The following RNF216 variants were observed in gnomAD, a reference collection of about 807,000 sequenced individuals.
RNF216 encodes the protein E3 ubiquitin-protein ligase RNF216.
Under a neutral mutation model 110.8 loss-of-function variants are expected in RNF216, and 72 were observed. That is an observed-to-expected ratio of 0.65 (90% CI 0.54 to 0.79). RNF216 has a LOEUF of 0.79. RNF216 is among the 30% of genes least tolerant of loss of function. The pLI, the probability that RNF216 is intolerant of heterozygous loss-of-function variation, is 0.00. For missense variants in RNF216, 1,342 were observed against 1,141.2 expected (o/e 1.18, Z -2.54); for synonymous variants, 495 against 407.5 (o/e 1.21, Z -2.59).
chr7:5,658,073 G>C (rs1421635111), intron 13 of RNF216, among the ~76,000 whole-genome samples: 1 of 152,218 alleles, frequency 6.6e-6, no homozygotes, highest in Non-Finnish European at 1.5e-5. Context: ...GAGCATGCAT[G>C]TGCATGCAGA....
intron 15 of RNF216, among the ~76,000 whole-genome samples, chr7:5,627,467 T>A (rs1159382743): frequency 6.6e-6 from 1 of 152,128 alleles, no homozygotes; most frequent in Non-Finnish European, 1.5e-5. Flanking sequence ...CATTAAAGAC[T>A]AGACACTCGG....
chr7:5,622,626 G>A lies in RNF216; in HGVS notation c.*234C>T, dbSNP rs1392029288. 13 of 524,116 alleles carry A rather than the reference G, an allele frequency of 2.5e-5. No individual in the cohort carries two copies. Among genetic ancestry groups the A allele is most frequent in the Non-Finnish European group, 4.1e-5 (12 of 295,278 alleles). The allele number at this position is 524,116 out of a possible 1,614,324, so 32.5% of individuals were successfully genotyped here. ...GTGGCCTGGGGGATGCGAGGGGAGG[G>A]GCAGTTCACATCGCAGCTCTCTCCG... On this transcript the variant is annotated 3_prime_UTR_variant, in exon 17 of 17. Coordinates refer to ENST00000389902, the MANE Select transcript of RNF216 (RefSeq NM_207111.4).
At chr7:5,675,172 AG>A (rs1790199383) in intron 13 of RNF216, among the ~76,000 whole-genome samples, 1 of 152,220 alleles carries the variant, frequency 6.6e-6, no homozygotes, top group Admixed American at 6.5e-5. Context: ...CGCTCAAATA[AG>A]GTACCAACTA....
chr7:5,743,477 A>C (rs1427586152), intron 3 of RNF216, among the ~76,000 whole-genome samples: 5 of 152,068 alleles, frequency 3.3e-5, no homozygotes, highest in African/African-American at 1.2e-4. Context: ...TCTACAACTG[A>C]CCCCTACCAA....
At chr7:5,646,993 A>C (rs1303741600) in intron 14 of RNF216, among the ~76,000 whole-genome samples, 4 of 152,170 alleles carry the variant, frequency 2.6e-5, no homozygotes, top group Non-Finnish European at 4.4e-5. Context: ...GTAGTCTTCT[A>C]GATCTGTCTT....
chr7:5,631,415 C>T (rs1381602493), intron 15 of RNF216, among the ~76,000 whole-genome samples: 1 of 152,158 alleles, frequency 6.6e-6, no homozygotes, highest in East Asian at 1.9e-4. Context: ...CACATGGGGG[C>T]CCAGCACTGA....
intron 14 of RNF216, among the ~76,000 whole-genome samples, chr7:5,651,578 G>A (rs1788390103): frequency 6.6e-6 from 1 of 152,188 alleles, no homozygotes; most frequent in African/African-American, 2.4e-5. Context: ...TGCACCCTCA[G>A]CTGCATGGTA....
chr7:5,760,530 A>C (rs28519438), intron 2 of RNF216: 26,028 of 331,444 alleles, frequency 0.079, 2,823 homozygotes, highest in African/African-American at 0.32. Flanking sequence ...AAGAAAAAAA[A>C]AAAACAAAAC....
chr7:5,722,460 GCTCA>G (rs1793491486), intron 8 of RNF216, among the ~76,000 whole-genome samples: 2 of 151,180 alleles, frequency 1.3e-5, no homozygotes, highest in East Asian at 2.0e-4. Context: ...TGCGATCTCG[GCTCA>G]CTGTCAGCTC....
intron 1 of RNF216, chr7:5,777,393 A>G (rs1293722443): frequency 6.6e-6 from 1 of 152,260 alleles, no homozygotes; most frequent in Non-Finnish European, 1.5e-5. Flanking sequence ...AAGCAATGCA[A>G]TGACAGCTGT....
chr7:5,669,694 G>A (rs1789771206), intron 13 of RNF216, among the ~76,000 whole-genome samples: 1 of 152,144 alleles, frequency 6.6e-6, no homozygotes, highest in African/African-American at 2.4e-5. Context: ...GGAGTTTTGA[G>A]ACCAGCCTGG....
At chr7:5,661,418 T>G (rs796311929) in intron 13 of RNF216, among the ~76,000 whole-genome samples, 75 of 152,326 alleles carry the variant, frequency 4.9e-4, no homozygotes, top group African/African-American at 1.8e-3. Context: ...ACTGAAAACT[T>G]ACACATCTTC....
chr7:5,738,382 G>C (rs2128650450), intron 5 of RNF216, among the ~76,000 whole-genome samples: 1 of 152,044 alleles, frequency 6.6e-6, no homozygotes, highest in East Asian at 1.9e-4. Flanking sequence ...TGAACCATAT[G>C]TCTGGCCCGT....
At chr7:5,683,468 G>C (rs1461244310) in intron 13 of RNF216, among the ~76,000 whole-genome samples, 1 of 152,060 alleles carries the variant, frequency 6.6e-6, no homozygotes, top group African/African-American at 2.4e-5. Context: ...TCCTGAGGTG[G>C]GTCCCGTATC....
At chr7:5,636,780 C>G (rs1787421612) in intron 15 of RNF216, among the ~76,000 whole-genome samples, 1 of 152,168 alleles carries the variant, frequency 6.6e-6, no homozygotes, top group Non-Finnish European at 1.5e-5. Context: ...ACCTTCCTTT[C>G]AAACTTTATT....
intron 1 of RNF216, among the ~76,000 whole-genome samples, chr7:5,772,217 G>C (rs1188210752): frequency 3.9e-5 from 6 of 152,128 alleles, no homozygotes; most frequent in Admixed American, 3.3e-4. Context: ...TGGGCAACAA[G>C]AGTGAAACTC....
intron 13 of RNF216, among the ~76,000 whole-genome samples, chr7:5,702,668 T>A (rs1284867141): frequency 1.3e-5 from 2 of 152,340 alleles, no homozygotes; most frequent in African/African-American, 4.8e-5. Context: ...GCGTGTGTAA[T>A]TAACCAAAAC....
At chr7:5,681,111 T>C (rs1002899586) in intron 13 of RNF216, among the ~76,000 whole-genome samples, 4 of 152,168 alleles carry the variant, frequency 2.6e-5, no homozygotes, top group Non-Finnish European at 5.9e-5. Flanking sequence ...CCCTGGCTCT[T>C]TGAACGCCTA....
chr7:5,704,504 G>A (rs1274654771), intron 13 of RNF216, among the ~76,000 whole-genome samples: 1 of 152,244 alleles, frequency 6.6e-6, no homozygotes, highest in Non-Finnish European at 1.5e-5. Context: ...GGACTTCTTA[G>A]ATAAAGTCTA....
Sources: allele counts gnomAD v4.1 joint callset (sites outside exome capture counted in the v4.1 genomes callset), GRCh38; gene constraint gnomAD v4.1.1; transcripts MANE v1.5; gene names NCBI Gene and HGNC (gene_info 2026-07-23, HGNC 2026-07-21).